Variants in PCSK5 observed in about 807,000 individuals in gnomAD.
PCSK5 encodes prohormone convertase 5.
A neutral mutation model predicts 233.2 loss-of-function variants in PCSK5; 129 were observed. The ratio of observed to expected loss-of-function variants is 0.55; its 90% CI spans 0.48 to 0.64. PCSK5 has a LOEUF of 0.64. PCSK5 is among the 30% of genes least tolerant of loss of function. The pLI is 0.00. For synonymous variants in PCSK5, 825 were observed against 879.2 expected (o/e 0.94, Z 1.09); for missense variants, 2,076 against 2,430.1 (o/e 0.85, Z 3.06).
intron 2 of PCSK5, among the ~76,000 whole-genome samples, chr9:75,981,738 T>C (rs1368954887): frequency 1.3e-5 from 2 of 152,078 alleles, no homozygotes; most frequent in Non-Finnish European, 2.9e-5. Flanking sequence ...ACATTCTTTT[T>C]TTTTGTAAAG....
At chr9:76,279,545 C>T (rs1047762146) in intron 24 of PCSK5, among the ~76,000 whole-genome samples, 10 of 151,960 alleles carry the variant, frequency 6.6e-5, no homozygotes, top group Admixed American at 3.9e-4. Context: ...TAAAAATGTT[C>T]CTGTTTCTCC....
chr9:76,358,524 C>G lies in PCSK5; in HGVS notation c.5266C>G (p.Leu1756Val). The G allele has an allele frequency of 6.2e-7, 1 of 1,608,932 alleles. No individual in the cohort carries two copies. Among genetic ancestry groups the G allele is most frequent in the Non-Finnish European group, 8.5e-7 (1 of 1,176,628 alleles). The change falls in exon 38 of 38, where the codon CTT becomes GTT. Residue 1756 changes from leucine to valine, a missense_variant. Transcript: ENST00000674117. ...TCTTCTTCCAACAGACGAATGCATC[C>G]TTCGAACAAGCAAGGTTAGGCCTGC... ...DCQDTTDECI[L>V]RTSKVRPATE... is the part of the protein sequence containing the mutation.
intron 12 of PCSK5, among the ~76,000 whole-genome samples, chr9:76,160,769 C>CTTTT (rs57054216): frequency 1.3e-5 from 2 of 148,460 alleles, no homozygotes; most frequent in Non-Finnish European, 1.5e-5. Flanking sequence ...AATCTGATAT[C>CTTTT]TTTTTTTTTT....
chr9:76,207,185 A>T (rs1825151393), intron 20 of PCSK5, among the ~76,000 whole-genome samples: 1 of 152,150 alleles, frequency 6.6e-6, no homozygotes, highest in Admixed American at 6.5e-5. Context: ...TAATCTCCCC[A>T]TTTCAAGATC....
At position 76,036,449 on chromosome 9, in the gene PCSK5, A is replaced by G. The variant is rs145197835; in HGVS notation, c.632+9412A>G. 3.3e-5 allele frequency among the ~76,000 whole-genome samples: 5 copies of G among 152,302 alleles called. No individual in the cohort carries two copies. In the East Asian group the frequency reaches 9.7e-4, roughly 29 times the overall value. ...ATAGAGTAAAAAATATTCTGCTTTTAGAGGAGACCTAGGTACCAGCCCCAG... is the reference window on the plus strand; with the variant it reads ...ATAGAGTAAAAAATATTCTGCTTTTGGAGGAGACCTAGGTACCAGCCCCAG... On this transcript the variant is annotated intron_variant, in intron 5 of 37. Transcript: ENST00000674117.
At chr9:76,198,785 C>G (rs1285563326) in intron 20 of PCSK5, among the ~76,000 whole-genome samples, 1 of 152,142 alleles carries the variant, frequency 6.6e-6, no homozygotes, top group Non-Finnish European at 1.5e-5. Context: ...ATGAGGGAAA[C>G]AGACACTTAG....
intron 3 of PCSK5, among the ~76,000 whole-genome samples, chr9:75,993,779 A>G (rs1371457278): frequency 6.6e-6 from 1 of 152,212 alleles, no homozygotes; most frequent in Non-Finnish European, 1.5e-5. Flanking sequence ...TTGCTTTAGT[A>G]AATCACACAG....
chr9:76,198,952 T>A (rs925654538), intron 20 of PCSK5, among the ~76,000 whole-genome samples: 33 of 152,120 alleles, frequency 2.2e-4, no homozygotes, highest in Non-Finnish European at 5.9e-5. Context: ...AAAAATAGCA[T>A]GAAACCTTAA....
chr9:76,193,375 T>A (rs1275596717), intron 20 of PCSK5: 4 of 1,602,068 alleles, frequency 2.5e-6, no homozygotes, highest in Non-Finnish European at 3.4e-6. Flanking sequence ...GATTTCTTTG[T>A]TCCTGTAGAC....
intron 24 of PCSK5, among the ~76,000 whole-genome samples, chr9:76,265,505 G>A (rs1349033428): frequency 1.3e-5 from 2 of 152,144 alleles, no homozygotes; most frequent in Non-Finnish European, 2.9e-5. Flanking sequence ...AAATAAATGA[G>A]ATGAATAAAT....
chr9:76,214,580 C>T (rs1825454137), intron 20 of PCSK5, among the ~76,000 whole-genome samples: 1 of 152,028 alleles, frequency 6.6e-6, no homozygotes, highest in Non-Finnish European at 1.5e-5. Flanking sequence ...AAAAAGCAGG[C>T]CTTGGGGATG....
At chr9:76,170,126 T>G (rs1823268540) in intron 13 of PCSK5, among the ~76,000 whole-genome samples, 1 of 152,160 alleles carries the variant, frequency 6.6e-6, no homozygotes, top group South Asian at 2.1e-4. Context: ...TTCCCAGACT[T>G]TCTATGTCTG....
intron 1 of PCSK5, among the ~76,000 whole-genome samples, chr9:75,896,460 G>A (rs1825810950): frequency 6.6e-6 from 1 of 152,178 alleles, no homozygotes. Flanking sequence ...CTGACTCTTT[G>A]GCTGAGAGAG....
At chr9:76,194,650 A>G in intron 20 of PCSK5, 2 of 404,390 alleles carry the variant, frequency 4.9e-6, no homozygotes, top group Non-Finnish European at 5.0e-6. Flanking sequence ...GTGACTCTCT[A>G]AACACTTCAT....
At chr9:76,160,769 C>T (rs1822818159) in intron 12 of PCSK5, among the ~76,000 whole-genome samples, 2 of 148,538 alleles carry the variant, frequency 1.3e-5, no homozygotes, top group Middle Eastern at 3.4e-3. Context: ...AATCTGATAT[C>T]TTTTTTTTTT....
At chr9:76,142,410 T>G (rs1022097159) in intron 10 of PCSK5, among the ~76,000 whole-genome samples, 2 of 152,036 alleles carry the variant, frequency 1.3e-5, no homozygotes, top group Non-Finnish European at 2.9e-5. Flanking sequence ...AAGGGAGCAT[T>G]CTAAGTGGCT....
intron 17 of PCSK5, among the ~76,000 whole-genome samples, chr9:76,187,245 C>A (rs943521312): frequency 6.6e-6 from 1 of 152,076 alleles, no homozygotes; most frequent in Non-Finnish European, 1.5e-5. Flanking sequence ...CAATGGAAAC[C>A]ATTTAACCCT....
intron 10 of PCSK5, among the ~76,000 whole-genome samples, chr9:76,140,519 T>C (rs1823167516): frequency 9.1e-6 from 1 of 109,646 alleles, no homozygotes; most frequent in Non-Finnish European, 1.8e-5. Context: ...GAAATGAGAA[T>C]AAAGATGCGG....
intron 36 of PCSK5, among the ~76,000 whole-genome samples, chr9:76,351,737 A>ATT (rs71372070): frequency 0.021 from 3,030 of 144,242 alleles, 104 homozygotes; most frequent in African/African-American, 0.073. Context: ...GAAACCATGA[A>ATT]TTTTTTTTTT....
Sources: allele counts gnomAD v4.1 joint callset (sites outside exome capture counted in the v4.1 genomes callset), GRCh38; gene constraint gnomAD v4.1.1; transcripts MANE v1.5; gene names NCBI Gene and HGNC (gene_info 2026-07-23, HGNC 2026-07-21).